UGGT2: variants seen among roughly 807,000 people sequenced by gnomAD.
UGGT2 encodes the protein UDP-glucose glycoprotein glucosyltransferase 2, also known as UDP-glucose:glycoprotein glucosyltransferase 2.
UGGT2 carries 180 observed loss-of-function variants against 192.1 expected under a neutral mutation model. The observed-to-expected ratio is 0.94, with a 90% CI of 0.83 to 1.06. The LOEUF is 1.06. Ranked by LOEUF, UGGT2 falls within the 50% of genes least tolerant of loss-of-function variation. The probability of loss-of-function intolerance (pLI) is 0.00; values close to 1 mark genes in which losing one functional copy is unlikely to be tolerated. For synonymous variants in UGGT2, 580 were observed against 591.0 expected, an observed-to-expected ratio of 0.98 and a Z score of 0.27; for missense variants, 1,849 against 1,795.7, an observed-to-expected ratio of 1.03 and a Z score of -0.54.
At chr13:95,861,594 T>C (rs1890174387) in intron 31 of UGGT2, among the ~76,000 whole-genome samples, 1 of 152,176 alleles carries the variant, frequency 6.6e-6, no homozygotes, top group Non-Finnish European at 1.5e-5. Context: ...CTGAATCTTC[T>C]ATTTACAGTA....
chr13:95,835,954 T>C (rs1338196313), intron 37 of UGGT2, among the ~76,000 whole-genome samples: 1 of 152,236 alleles, frequency 6.6e-6, no homozygotes, highest in Admixed American at 6.5e-5. Context: ...TTGCCTTTAT[T>C]TGGGGGAAAA....
At chr13:96,043,474 T>C (rs141356108) in intron 1 of UGGT2, among the ~76,000 whole-genome samples, 1 of 151,938 alleles carries the variant, frequency 6.6e-6, no homozygotes, top group Non-Finnish European at 1.5e-5. Context: ...AAACAAGGTA[T>C]ACAGGCAACA....
Position 95,960,071 on chromosome 13 carries a change from A to G in UGGT2, c.1335+10041T>C, listed in dbSNP as rs563746544. 1.1e-4 allele frequency among the ~76,000 whole-genome samples: 16 copies of G among 152,332 alleles called. No individual in the cohort carries two copies. In the South Asian group the frequency reaches 3.3e-3, roughly 32 times the overall value. On this transcript the variant is annotated intron_variant, in intron 12 of 38. Coordinates refer to ENST00000376747, the MANE Select transcript of UGGT2 (RefSeq NM_020121.4). ...ATTGAGAATCAATGCCAAAAAGTGT[A>G]CTATGCAACTAACACCATAAATGGT...
intron 7 of UGGT2, 83 bp downstream of exon 7, chr13:95,995,980 C>T (rs888563198): frequency 1.7e-6 from 2 of 1,163,800 alleles, no homozygotes; most frequent in Middle Eastern, 2.4e-4. Context: ...AAAGGTGAAG[C>T]ATATGGCAAA....
At chr13:95,922,839 T>C (rs538502887) in intron 20 of UGGT2, among the ~76,000 whole-genome samples, 53 of 151,794 alleles carry the variant, frequency 3.5e-4, no homozygotes, top group African/African-American at 1.1e-3. Flanking sequence ...CAAAACAAAA[T>C]AAAACAAAAC....
At chr13:95,983,703 C>T (rs2051200200) in intron 10 of UGGT2, 101 bp downstream of exon 10, 2 of 908,518 alleles carry the variant, frequency 2.2e-6, no homozygotes, top group South Asian at 3.4e-5. Flanking sequence ...ATCAAAAAAG[C>T]ACAAATTACT....
intron 36 of UGGT2, among the ~76,000 whole-genome samples, chr13:95,848,357 A>G (rs1888689476): frequency 6.6e-6 from 1 of 152,200 alleles, no homozygotes; most frequent in Non-Finnish European, 1.5e-5. Context: ...TGTTATATCT[A>G]AAAAGTCATT....
chr13:96,020,812 C>T (rs1188708095), intron 4 of UGGT2, among the ~76,000 whole-genome samples: 2 of 152,178 alleles, frequency 1.3e-5, no homozygotes, highest in African/African-American at 4.8e-5. Context: ...CTACCAAGAA[C>T]TGTAAAAGTC....
intron 29 of UGGT2, among the ~76,000 whole-genome samples, chr13:95,868,533 G>A (rs1890892899): frequency 6.6e-6 from 1 of 152,100 alleles, no homozygotes; most frequent in Non-Finnish European, 1.5e-5. Flanking sequence ...GCAGATTGAG[G>A]CTCCAGTGAC....
At chr13:95,863,291 T>C (rs1318805228) in intron 31 of UGGT2, 1 of 194,628 alleles carries the variant, frequency 5.1e-6, no homozygotes, top group Non-Finnish European at 1.1e-5. Flanking sequence ...AATCATTTTG[T>C]CTTCATGTAA....
At chr13:96,041,409 C>A (rs916218740) in intron 1 of UGGT2, among the ~76,000 whole-genome samples, 2 of 152,074 alleles carry the variant, frequency 1.3e-5, no homozygotes, top group African/African-American at 4.8e-5. Context: ...GGTAGGGCTG[C>A]CAGAGGTACT....
chr13:95,808,881 T>C (rs1376635089), intron 38 of UGGT2, among the ~76,000 whole-genome samples: 1 of 152,208 alleles, frequency 6.6e-6, no homozygotes, highest in African/African-American at 2.4e-5. Flanking sequence ...ATGGAGTGGT[T>C]TTCTTTAGGA....
At chr13:95,963,299 A>C (rs1026822460) in intron 12 of UGGT2, among the ~76,000 whole-genome samples, 2 of 152,222 alleles carry the variant, frequency 1.3e-5, no homozygotes, top group Admixed American at 6.5e-5. Flanking sequence ...AGAAAAAAAA[A>C]CCATATCCTC....
At chr13:95,925,418 C>T (rs775716197) in intron 20 of UGGT2, among the ~76,000 whole-genome samples, 1 of 152,082 alleles carries the variant, frequency 6.6e-6, no homozygotes, top group Non-Finnish European at 1.5e-5. Flanking sequence ...GTTTAATACC[C>T]TATTTGTAAT....
intron 12 of UGGT2, among the ~76,000 whole-genome samples, chr13:95,967,173 A>ATTT (rs2050608462): frequency 7.1e-6 from 1 of 140,636 alleles, no homozygotes; most frequent in Non-Finnish European, 1.5e-5. Flanking sequence ...TTTTTTTTTG[A>ATTT]GATGGAGTCT....
chr13:95,901,643 T>C (rs73558650), intron 21 of UGGT2, among the ~76,000 whole-genome samples: 3,242 of 152,292 alleles, frequency 0.021, 113 homozygotes, highest in African/African-American at 0.074. Context: ...AATGTTTTCC[T>C]GCATTGTCCA....
At position 95,927,089 on chromosome 13, in the gene UGGT2, G is replaced by C. The variant is rs747264301; in HGVS notation, c.2139C>G (p.Phe713Leu). ...CAGCACTCTTATCTTGTGAATCCAA[G>C]AAAAAGAAAGTAGAGAAATCTTCAA... Reference protein sequence around the residue: ...ADVEDFSTFFFLDSQDKSAVI... With the variant: ...ADVEDFSTFFLLDSQDKSAVI... Residue 713 changes from phenylalanine (F) to leucine (L), a missense_variant, in exon 19 of 39, where the codon TTC becomes TTG. Coordinates refer to ENST00000376747, the MANE Select transcript of UGGT2 (RefSeq NM_020121.4). The C allele has an allele frequency of 1.9e-6, 3 of 1,611,420 alleles. No individual in the cohort carries two copies. In the Admixed American group the frequency reaches 5.0e-5, roughly 27 times the overall value.
In UGGT2 at chr13:95,806,779, A is replaced by G. The variant is rs149051325; in HGVS notation, c.4529-4967T>C. Among the ~76,000 whole-genome samples the G allele has an allele frequency of 5.3e-5, 8 of 152,270 alleles. No individual in the cohort carries two copies. In the East Asian group the frequency reaches 1.5e-3, roughly 29 times the overall value. On this transcript the variant is annotated intron_variant, in intron 38 of 38. Transcript: ENST00000376747. ...CTGACAAGGGTGTTCAGACCATTCA[A>G]TGGGGAAATGACAGTCTCTCTAACA... is the stretch of plus-strand genomic sequence containing the variant.
At chr13:95,894,730 C>A (rs773828609) in intron 23 of UGGT2, 73 bp from the exon 24 acceptor site, 14 of 1,274,066 alleles carry the variant, frequency 1.1e-5, no homozygotes, top group Non-Finnish European at 1.6e-5. Context: ...ATTAATGCTT[C>A]AAGAAAGGTT....
Sources: allele counts gnomAD v4.1 joint callset (sites outside exome capture counted in the v4.1 genomes callset), GRCh38; gene constraint gnomAD v4.1.1; transcripts MANE v1.5; gene names NCBI Gene and HGNC (gene_info 2026-07-23, HGNC 2026-07-21).